Variants in PLXNA4 observed in about 807,000 individuals in gnomAD.
PLXNA4 encodes the protein plexin A4.
Under a neutral mutation model 191.8 loss-of-function variants are expected in PLXNA4, and 44 were observed. The ratio of observed to expected loss-of-function variants is 0.23; its 90% CI spans 0.18 to 0.29. The LOEUF (loss-of-function observed/expected upper bound fraction) is 0.29, where lower values mean the gene tolerates loss of function less well. Ranked by LOEUF, PLXNA4 falls within the 10% of genes least tolerant of loss-of-function variation. The pLI is 1.00. For synonymous variants in PLXNA4, 1,082 were observed against 1,009.5 expected, an observed-to-expected ratio of 1.07 and a Z score of -1.36; for missense variants, 1,800 against 2,488.8, an observed-to-expected ratio of 0.72 and a Z score of 5.89.
chr7:132,631,662 G>A (rs1418163663), intron 2 of PLXNA4, among the ~76,000 whole-genome samples: 1 of 152,106 alleles, frequency 6.6e-6, no homozygotes, highest in Non-Finnish European at 1.5e-5. Flanking sequence ...CACTGAAATA[G>A]CTTCACCCTA....
intron 4 of PLXNA4, among the ~76,000 whole-genome samples, chr7:132,257,388 C>T (rs1179917230): frequency 1.3e-5 from 2 of 152,236 alleles, no homozygotes; most frequent in Non-Finnish European, 2.9e-5. Context: ...CCAAATAAGG[C>T]TCTCTATCAT....
rs58311131 is a variant in PLXNA4 at position 132,365,360 on chromosome 7, TGC to T, written c.1372-67140_1372-67139del. Among the ~76,000 whole-genome samples, 698 of 128,816 alleles carry T rather than the reference TGC, an allele frequency of 5.4e-3. 9 individuals are homozygous for T. Among genetic ancestry groups the T allele is most frequent in the Admixed American group, 0.017 (230 of 13,374 alleles). 84.5% of individuals were successfully genotyped at this position (128,816 alleles called of 152,430 possible). A position where few individuals can be genotyped will look rare whatever the true frequency, so the allele number is the denominator to read the frequency against. The stretch of plus-strand genomic sequence containing the variant: ...GTGTGTGTGTGTGTGTGTGTGTGTG[TGC>T]GTGCGCGCGCATGCATGGGGCAAGA... On this transcript the variant is annotated intron_variant, in intron 3 of 31. Coordinates refer to ENST00000321063, the MANE Select transcript of PLXNA4 (RefSeq NM_020911.2).
intron 5 of PLXNA4, among the ~76,000 whole-genome samples, chr7:132,240,331 C>G (rs1340174052): frequency 6.6e-6 from 1 of 152,222 alleles, no homozygotes; most frequent in Non-Finnish European, 1.5e-5. Flanking sequence ...TGTCTGAGCC[C>G]TATTCCTGCC....
chr7:132,518,649 C>A (rs114763715), intron 1 of PLXNA4, among the ~76,000 whole-genome samples: 1 of 152,178 alleles, frequency 6.6e-6, no homozygotes, highest in African/African-American at 2.4e-5. Flanking sequence ...CTCAGCTACG[C>A]GGGGCTCCCT....
intron 4 of PLXNA4, among the ~76,000 whole-genome samples, chr7:132,284,333 T>A (rs544055928): frequency 1.9e-4 from 29 of 152,356 alleles, no homozygotes; most frequent in South Asian, 6.2e-4. Context: ...GATGCTTAAA[T>A]CTGTACCAAG....
intron 24 of PLXNA4, among the ~76,000 whole-genome samples, chr7:132,161,684 G>A (rs752924489): frequency 2.0e-5 from 3 of 151,886 alleles, no homozygotes; most frequent in Non-Finnish European, 2.9e-5. Context: ...GCTCCCGGGC[G>A]GGCACCTAGC....
intron 3 of PLXNA4, among the ~76,000 whole-genome samples, chr7:132,425,611 G>A (rs533838508): frequency 6.6e-6 from 1 of 152,256 alleles, no homozygotes; most frequent in African/African-American, 2.4e-5. Flanking sequence ...CAGACAGGAA[G>A]GCAGACAGGC....
At chr7:132,459,414 G>A (rs970458455) in intron 3 of PLXNA4, among the ~76,000 whole-genome samples, 1 of 152,170 alleles carries the variant, frequency 6.6e-6, no homozygotes, top group Non-Finnish European at 1.5e-5. Flanking sequence ...AGAGGAGCTG[G>A]ATGCAAGTGG....
chr7:132,466,336 G>A (rs1796700138), intron 3 of PLXNA4, among the ~76,000 whole-genome samples: 1 of 152,212 alleles, frequency 6.6e-6, no homozygotes, highest in South Asian at 2.1e-4. Context: ...TCTGGAGCCA[G>A]GAGTCAGGCC....
At chr7:132,211,279 GCC>G (rs1797792843) in intron 9 of PLXNA4, 136 bp from the exon 10 acceptor site, 1 of 872,054 alleles carries the variant, frequency 1.1e-6, no homozygotes, top group Non-Finnish European at 1.7e-6. Flanking sequence ...AGGTGCTCGT[GCC>G]CACCCAGTGG....
rs949776884 is a variant in PLXNA4, at chr7:132,124,002, T to G, written c.*6477A>C. On this transcript the variant is annotated 3_prime_UTR_variant, in exon 32 of 32. Transcript: ENST00000321063. The stretch of plus-strand genomic sequence containing the variant: ...CTCAGCAGGACCCTGCTGGAAGAGA[T>G]GGGCTGGCCCCTACATGCTAAAGTG... 1.3e-5 allele frequency: 2 copies of G among 152,224 alleles called. No homozygotes were observed. Among genetic ancestry groups the G allele is most frequent in the African/African-American group, 4.8e-5 (2 of 41,432 alleles). The allele number at this position is 152,224 out of a possible 1,614,324, so 9.4% of individuals were successfully genotyped here.
chr7:132,626,712 A>T (rs1429199595), intron 2 of PLXNA4, among the ~76,000 whole-genome samples: 2 of 152,166 alleles, frequency 1.3e-5, no homozygotes, highest in Non-Finnish European at 2.9e-5. Context: ...TAAATTACCC[A>T]GTTCCAGGTA....
intron 3 of PLXNA4, among the ~76,000 whole-genome samples, chr7:132,422,474 C>G (rs747709263): frequency 6.6e-6 from 1 of 152,206 alleles, no homozygotes; most frequent in Non-Finnish European, 1.5e-5. Context: ...AAAAGTACGG[C>G]TGCCGACTTC....
At chr7:132,131,002 C>T (rs1794910496) in intron 31 of PLXNA4, among the ~76,000 whole-genome samples, 1 of 152,126 alleles carries the variant, frequency 6.6e-6, no homozygotes, top group African/African-American at 2.4e-5. Flanking sequence ...GTTAAGACAT[C>T]CCACCCTTCC....
chr7:132,281,768 GGTCAGCAAAT>G (rs1292727478), intron 4 of PLXNA4, among the ~76,000 whole-genome samples: 1 of 152,114 alleles, frequency 6.6e-6, no homozygotes, highest in Non-Finnish European at 1.5e-5. Context: ...GAACTGAAAA[GGTCAGCAAAT>G]GTGGAACATT....
chr7:132,557,220 C>T (rs1248842588), intron 1 of PLXNA4, among the ~76,000 whole-genome samples: 1 of 152,200 alleles, frequency 6.6e-6, no homozygotes, highest in Non-Finnish European at 1.5e-5. Flanking sequence ...GATGTGGAGT[C>T]AGACCTACCT....
chr7:132,576,953 G>C (rs918842381), upstream of PLXNA4: 1 of 147,970 alleles, frequency 6.8e-6, no homozygotes, highest in African/African-American at 2.4e-5. The surrounding 1 kb of genome is among the most constrained non-coding windows in gnomAD (Gnocchi z 5.8). Context: ...GCCTCTGCGC[G>C]CCTCTCTGGG....
chr7:132,196,431 T>G (rs1172380552), intron 13 of PLXNA4, among the ~76,000 whole-genome samples: 1 of 152,250 alleles, frequency 6.6e-6, no homozygotes, highest in East Asian at 1.9e-4. Context: ...ATACCTTGAG[T>G]ATATGTCTGG....
intron 2 of PLXNA4, among the ~76,000 whole-genome samples, chr7:132,503,322 C>G (rs1798330312): frequency 1.3e-5 from 2 of 152,156 alleles, no homozygotes; most frequent in South Asian, 4.1e-4. Flanking sequence ...ATATGTTTCA[C>G]CATTCATTAG....
Sources: allele counts gnomAD v4.1 joint callset (sites outside exome capture counted in the v4.1 genomes callset), GRCh38; gene constraint gnomAD v4.1.1; non-coding constraint Gnocchi (gnomAD v3.1); transcripts MANE v1.5; gene names NCBI Gene and HGNC (gene_info 2026-07-23, HGNC 2026-07-21).